The following PHF8 variants were observed in gnomAD, a reference collection of about 807,000 sequenced individuals.
PHF8 encodes PHD finger protein 8.
PHF8 carries 9 observed loss-of-function variants against 74.4 expected under a neutral mutation model. That is an observed-to-expected ratio of 0.12 (90% CI 0.07 to 0.21). The LOEUF (loss-of-function observed/expected upper bound fraction) is 0.21, where lower values mean the gene tolerates loss of function less well. PHF8 is among the 10% of genes least tolerant of loss of function. The probability of loss-of-function intolerance (pLI) is 1.00; values close to 1 mark genes in which losing one functional copy is unlikely to be tolerated. For synonymous variants in PHF8, 311 were observed against 316.6 expected (o/e 0.98, Z 0.19); for missense variants, 478 against 816.6 (o/e 0.59, Z 5.05).
chrX:54,003,635 C>G (rs1430429295), intron 8 of PHF8, among the ~76,000 whole-genome samples: 1 of 111,894 alleles, frequency 8.9e-6, no homozygotes, highest in Non-Finnish European at 1.9e-5. Flanking sequence ...CCAGCCTCAG[C>G]GACAGGCATG....
chrX:53,999,806 T>A, intron 11 of PHF8, 64 bp downstream of exon 11: 1 of 685,328 alleles, frequency 1.5e-6, no homozygotes. Context: ...CCAAAACATC[T>A]ACCCAAATCC....
intron 18 of PHF8, among the ~76,000 whole-genome samples, chrX:53,979,381 C>G (rs1486446271): frequency 9.1e-6 from 1 of 109,578 alleles, no homozygotes; most frequent in East Asian, 2.8e-4. Context: ...GACTCTGTCT[C>G]AAAAATAAAT....
chrX:53,988,068 T>A, intron 14 of PHF8, 124 bp from the exon 15 acceptor site: 1 of 572,740 alleles, frequency 1.7e-6, no homozygotes, highest in Non-Finnish European at 2.9e-6. Flanking sequence ...GCCAGCTTTT[T>A]AAATAAAAAG....
chrX:54,024,309 A>G (rs1557110862), intron 2 of PHF8, among the ~76,000 whole-genome samples: 1 of 112,074 alleles, frequency 8.9e-6, no homozygotes, highest in African/African-American at 3.2e-5. Context: ...TCTGATACAC[A>G]GTAAGTATCC....
intron 8 of PHF8, among the ~76,000 whole-genome samples, chrX:54,004,309 C>A (rs1435548106): frequency 1.8e-5 from 2 of 110,234 alleles, no homozygotes; most frequent in African/African-American, 3.3e-5. Flanking sequence ...AAGAGAAAAG[C>A]AGATGGGGGT....
chrX:53,977,622 A>G (rs1481100115), intron 18 of PHF8, among the ~76,000 whole-genome samples: 2 of 110,407 alleles, frequency 1.8e-5, no homozygotes, highest in Non-Finnish European at 3.8e-5. Context: ...AATGTAAAAC[A>G]ACCATTCTGG....
At chrX:53,958,578 G>A (rs1478544899) in intron 19 of PHF8, among the ~76,000 whole-genome samples, 2 of 103,715 alleles carry the variant, frequency 1.9e-5, no homozygotes, top group African/African-American at 3.5e-5. Flanking sequence ...TCAGGAGATC[G>A]AGACCATCCT....
At chrX:53,996,361 C>T (rs782802104) in intron 11 of PHF8, among the ~76,000 whole-genome samples, 1 of 109,809 alleles carries the variant, frequency 9.1e-6, no homozygotes, top group South Asian at 3.9e-4. Flanking sequence ...GTGATCCACC[C>T]GCCTTGGCCT....
upstream of PHF8, among the ~76,000 whole-genome samples, chrX:54,046,757 T>A (rs1557117581): frequency 9.0e-6 from 1 of 111,536 alleles, no homozygotes; most frequent in Non-Finnish European, 1.9e-5. Context: ...CCCAGCACTT[T>A]GGGAGGTCAG....
At chrX:54,012,377 T>C (rs781945697) in intron 7 of PHF8, among the ~76,000 whole-genome samples, 2 of 112,101 alleles carry the variant, frequency 1.8e-5, no homozygotes, top group African/African-American at 6.5e-5. Context: ...ATTTGCATAA[T>C]AGCACTTTCA....
At chrX:53,985,736 T>C (rs1239644059) in intron 17 of PHF8, 80 bp downstream of exon 17, 2 of 1,202,714 alleles carry the variant, frequency 1.7e-6, no homozygotes, top group South Asian at 3.6e-5. Context: ...TATCTACTGA[T>C]TGGCTGACCT....
Position 54,044,113 on chromosome X carries a change from C to T in PHF8, c.-444G>A. 1.3e-6 allele frequency: 1 copy of T among 755,171 alleles called. No homozygotes were observed. 62.2% of individuals were successfully genotyped at this position (755,171 alleles called of 1,213,427 possible). Reference sequence around the variant, plus strand: ...TCAGAGCAGCCTCCTCCACAACATTCCCCTCGGCCCGGCCGTTCGGGCCTA... The same window carrying T: ...TCAGAGCAGCCTCCTCCACAACATTTCCCTCGGCCCGGCCGTTCGGGCCTA... On this transcript the variant is annotated 5_prime_UTR_variant, in exon 1 of 22. Transcript: ENST00000338154.
At chrX:53,978,715 G>A (rs797040712) in intron 18 of PHF8, among the ~76,000 whole-genome samples, 4 of 106,046 alleles carry the variant, frequency 3.8e-5, no homozygotes, top group Admixed American at 2.0e-4. Context: ...GGAGATTCAC[G>A]TGAATCCGGA....
Position 53,957,981 on chromosome X carries a change from G to A in PHF8, c.2539+4863C>T, listed in dbSNP as rs140129834. Among the ~76,000 whole-genome samples, 6 of 111,667 alleles carry A rather than the reference G, an allele frequency of 5.4e-5. No individual in the cohort carries two copies. In the East Asian group the frequency reaches 1.7e-3, roughly 31 times the overall value. On this transcript the variant is annotated intron_variant, in intron 19 of 21. Transcript: ENST00000338154. ...ATACATTTCATAAACAAGCACTGCG[G>A]ATGGAAGTGTAAATTGGTACAACTT...
chrX:53,946,632 T>C (rs2064836382), intron 19 of PHF8, among the ~76,000 whole-genome samples: 1 of 112,008 alleles, frequency 8.9e-6, no homozygotes, highest in Admixed American at 9.5e-5. Context: ...GTGCTCTAGA[T>C]TGAGAGGGTT....
At chrX:54,008,369 GTC>G (rs2065928467) in intron 8 of PHF8, among the ~76,000 whole-genome samples, 1 of 57,107 alleles carries the variant, frequency 1.8e-5, no homozygotes, top group African/African-American at 7.4e-5. Flanking sequence ...GCAATACTCC[GTC>G]AAAAAAAAAA....
intron 2 of PHF8, among the ~76,000 whole-genome samples, chrX:54,034,557 T>A (rs1271716445): frequency 1.8e-5 from 2 of 111,466 alleles, no homozygotes; most frequent in Non-Finnish European, 3.8e-5. Context: ...GCACAGTAGC[T>A]CATGCCTGTA....
chrX:53,941,485 G>C (rs1557083519), intron 20 of PHF8, among the ~76,000 whole-genome samples: 1 of 111,617 alleles, frequency 9.0e-6, no homozygotes, highest in Non-Finnish European at 1.9e-5. Flanking sequence ...CTGCCCTATG[G>C]ATCTACTATC....
rs782202938 is a variant in PHF8, at chrX:54,017,643, G to C, written c.454+18C>G. ...GGAATGAACAATGTTACAGTTAAAAGGGTCTGTAGTGTCTTACCAACATAG... is the reference window on the plus strand; with the variant it reads ...GGAATGAACAATGTTACAGTTAAAACGGTCTGTAGTGTCTTACCAACATAG... On this transcript the variant is annotated intron_variant, in intron 5 of 21. Coordinates refer to ENST00000338154, the MANE Select transcript of PHF8 (RefSeq NM_015107.3). 8.5e-7 allele frequency: 1 copy of C among 1,172,402 alleles called. No homozygotes were observed. Among genetic ancestry groups the C allele is most frequent in the Non-Finnish European group, 1.2e-6 (1 of 859,567 alleles).
Sources: gnomAD v4.1 joint callset for allele counts (sites outside exome capture counted in the v4.1 genomes callset) on GRCh38, gnomAD v4.1.1 for gene constraint, MANE v1.5 for transcripts, NCBI Gene and HGNC (gene_info 2026-07-23, HGNC 2026-07-21) for gene names.